Variants in TNN observed in about 807,000 individuals in gnomAD.
TNN encodes the protein tenascin N, also known as tenascin-N.
Under a neutral mutation model 134.4 loss-of-function variants are expected in TNN, and 122 were observed. The observed-to-expected ratio is 0.91, with a 90% CI of 0.78 to 1.06. TNN has a LOEUF of 1.06. TNN is among the 50% of genes least tolerant of loss of function. The pLI is 0.00. For missense variants in TNN, 1,739 were observed against 1,699.4 expected, an observed-to-expected ratio of 1.02 and a Z score of -0.41; for synonymous variants, 710 against 670.3, an observed-to-expected ratio of 1.06 and a Z score of -0.91.
Position 175,077,480 on chromosome 1 carries a change from TG to T in TNN, c.64del (p.Ala22LeufsTer91). 1 of 1,613,890 alleles carries T rather than the reference TG, an allele frequency of 6.2e-7. No individual in the cohort carries two copies. The highest frequency in any genetic ancestry group is 8.5e-7 in the Non-Finnish European group (1 of 1,180,018). On this transcript the variant is annotated frameshift_variant, in exon 2 of 19. Coordinates refer to ENST00000239462, the MANE Select transcript of TNN (RefSeq NM_022093.2). LOFTEE classifies it high-confidence loss of function. Reference protein sequence around the residue: ...MGLLLGSVLLVASAPATLEPP... With the variant: ...MGLLLGSVLLXASAPATLEPP... ...CTCCTGCTTGGCTCTGTGCTCCTGG[TG>T]GCTTCGGCCCCAGCCACTCTGGAGC...
intron 12 of TNN, among the ~76,000 whole-genome samples, chr1:175,125,379 C>T (rs1466588748): frequency 1.3e-5 from 2 of 151,926 alleles, no homozygotes; most frequent in Non-Finnish European, 2.9e-5. Context: ...AAAAAAGAGC[C>T]TTCTGACCAG....
intron 9 of TNN, among the ~76,000 whole-genome samples, chr1:175,112,860 T>C (rs966760645): frequency 6.6e-6 from 1 of 151,930 alleles, no homozygotes; most frequent in African/African-American, 2.4e-5. Flanking sequence ...GACCTTCAAG[T>C]GATCTGCCTG....
chr1:175,103,442 A>T (rs796103523), intron 9 of TNN, among the ~76,000 whole-genome samples: 1 of 145,698 alleles, frequency 6.9e-6, no homozygotes, highest in Non-Finnish European at 1.5e-5. Flanking sequence ...TAAAGTAAGG[A>T]TAGATTTCAT....
At chr1:175,099,601 G>A (rs1343186232) in intron 9 of TNN, among the ~76,000 whole-genome samples, 1 of 47,378 alleles carries the variant, frequency 2.1e-5, no homozygotes, top group Non-Finnish European at 4.6e-5. Flanking sequence ...GAGGAGGAGA[G>A]GTGAGGGGTC....
At chr1:175,136,030 C>A in intron 16 of TNN, 89 bp downstream of exon 16, 1 of 935,280 alleles carries the variant, frequency 1.1e-6, no homozygotes, top group South Asian at 1.3e-5. Flanking sequence ...AGCTCACCAC[C>A]TTCACAGAGA....
chr1:175,107,566 C>T (rs1404647485), intron 9 of TNN, among the ~76,000 whole-genome samples: 241 of 128,920 alleles, frequency 1.9e-3, no homozygotes, highest in Middle Eastern at 3.9e-3. Context: ...GCAGCGTGGA[C>T]CCAAAGAGTG....
intron 7 of TNN, among the ~76,000 whole-genome samples, chr1:175,096,172 A>G (rs528548173): frequency 5.9e-5 from 9 of 152,232 alleles, no homozygotes; most frequent in Non-Finnish European, 1.3e-4. Flanking sequence ...ACAGACTAGG[A>G]CAGGATAGGG....
rs151299690 is a variant in TNN, at chr1:175,125,963, T to TTCTC, written c.2915-975_2915-972dup. ...CGCTTCTCTCCCTTTCTTTCTTTCC[T>TTCTC]TCTCTCTCTCTCTCTCTCTCCTCTA... On this transcript the variant is annotated intron_variant, in intron 12 of 18. Coordinates refer to ENST00000239462, the MANE Select transcript of TNN (RefSeq NM_022093.2). 1.1e-3 allele frequency among the ~76,000 whole-genome samples: 153 copies of TTCTC among 140,412 alleles called. 2 individuals are homozygous for TTCTC. Among genetic ancestry groups the TTCTC allele is most frequent in the Admixed American group, 1.5e-3 (21 of 13,580 alleles). 92.1% of individuals were successfully genotyped at this position (140,412 alleles called of 152,430 possible). A position where few individuals can be genotyped will look rare whatever the true frequency, so the allele number is the denominator to read the frequency against.
chr1:175,134,112 C>T (rs1396703881), intron 15 of TNN, among the ~76,000 whole-genome samples: 1 of 152,228 alleles, frequency 6.6e-6, no homozygotes, highest in East Asian at 1.9e-4. Context: ...TTGCCTGAGA[C>T]ACACTCTACC....
intron 6 of TNN, among the ~76,000 whole-genome samples, chr1:175,091,366 C>A (rs1674440738): frequency 6.6e-6 from 1 of 152,102 alleles, no homozygotes; most frequent in Non-Finnish European, 1.5e-5. Flanking sequence ...TCCTATAACC[C>A]TGGGCATAAT....
intron 9 of TNN, among the ~76,000 whole-genome samples, chr1:175,112,156 G>GTATGCTTT (rs1170476035): frequency 6.6e-6 from 1 of 151,834 alleles, no homozygotes; most frequent in East Asian, 1.9e-4. Flanking sequence ...GAGTGTTGAG[G>GTATGCTTT]TATGCTTTTT....
chr1:175,098,723 T>C (rs986547316), intron 9 of TNN, 128 bp downstream of exon 9: 4 of 1,341,498 alleles, frequency 3.0e-6, no homozygotes, highest in South Asian at 1.4e-5. Context: ...CCATAATACA[T>C]TGTGTCCCCC....
chr1:175,146,774 C>A (rs1676079517), intron 18 of TNN, among the ~76,000 whole-genome samples, 157 bp from the exon 19 acceptor site: 1 of 152,126 alleles, frequency 6.6e-6, no homozygotes, highest in African/African-American at 2.4e-5. Context: ...CTGCCCTCCC[C>A]TCCCTTCTCA....
chr1:175,131,042 T>C (rs1222259278), intron 15 of TNN, among the ~76,000 whole-genome samples: 2 of 152,166 alleles, frequency 1.3e-5, no homozygotes, highest in Non-Finnish European at 2.9e-5. Flanking sequence ...GTTACAGTTT[T>C]TTTGGGGGGG....
intron 6 of TNN, among the ~76,000 whole-genome samples, chr1:175,093,437 AT>A (rs2149431487): frequency 6.6e-6 from 1 of 152,332 alleles, no homozygotes; most frequent in South Asian, 2.1e-4. Context: ...CTTAAATGTC[AT>A]TACATTCCCT....
rs896484325 is a variant in TNN at position 175,095,928 on chromosome 1, C to T, written c.1589-1489C>T. On this transcript the variant is annotated intron_variant, in intron 7 of 18. Transcript: ENST00000239462. ...GAGAAGAACCTTCCCTTTTCTTAGGCGGTGGTGGTGTGAGCAGCAGGGAGC... is the reference window on the plus strand; with the variant it reads ...GAGAAGAACCTTCCCTTTTCTTAGGTGGTGGTGGTGTGAGCAGCAGGGAGC... 8.7e-5 allele frequency among the ~76,000 whole-genome samples: 13 copies of T among 148,946 alleles called. No homozygotes were observed. In the East Asian group the frequency reaches 9.6e-4, roughly 11 times the overall value.
In TNN at chr1:175,080,561, A is replaced by C. The variant is rs1024648540; in HGVS notation, c.1048+135A>C. 10 of 1,111,694 alleles carry C rather than the reference A, an allele frequency of 9.0e-6. No individual in the cohort carries two copies. In the African/African-American group the frequency reaches 1.4e-4, roughly 16 times the overall value. The allele number at this position is 1,111,694 out of a possible 1,614,324, so 68.9% of individuals were successfully genotyped here. On this transcript the variant is annotated intron_variant, in intron 4 of 18. Transcript: ENST00000239462. ...CACCTGCCACAATCCTAGGTTCTGA[A>C]GAGTCCCAGTTCTCTCTCTTCTTTC... is the stretch of plus-strand genomic sequence containing the variant.
intron 9 of TNN, among the ~76,000 whole-genome samples, chr1:175,110,200 AGAT>A (rs1269709247): frequency 2.6e-5 from 4 of 152,180 alleles, no homozygotes; most frequent in Admixed American, 6.5e-5. Context: ...TTTTAAAATA[AGAT>A]GATGATGATG....
At chr1:175,085,373 A>T in intron 5 of TNN, 32 bp from the exon 6 acceptor site, 3 of 1,411,096 alleles carry the variant, frequency 2.1e-6, no homozygotes, top group Non-Finnish European at 2.0e-6. Flanking sequence ...TGGAGCCTGC[A>T]CTCACATCCT....
Sources: allele counts gnomAD v4.1 joint callset (sites outside exome capture counted in the v4.1 genomes callset), GRCh38; gene constraint gnomAD v4.1.1; transcripts MANE v1.5; gene names NCBI Gene and HGNC (gene_info 2026-07-23, HGNC 2026-07-21).